Variants in ADH1C observed in about 807,000 individuals in gnomAD.
The protein encoded by ADH1C is alcohol dehydrogenase 1C.
In ADH1C, 26 loss-of-function variants were observed where a neutral mutation model predicts 35.0. The ratio of observed to expected loss-of-function variants is 0.74; its 90% CI spans 0.54 to 1.03. The LOEUF is 1.03. Among genes scored for constraint, ADH1C ranks in the 50% least tolerant of loss-of-function variants. ADH1C has a pLI of 0.00. For missense variants in ADH1C, 413 were observed against 465.4 expected (o/e 0.89, Z 1.04); for synonymous variants, 170 against 169.3 (o/e 1.00, Z -0.03).
In ADH1C at chr4:99,347,048, T is replaced by C; in HGVS notation, c.217A>G (p.Ile73Val). Residue 73 changes from isoleucine (I) to valine (V), a missense_variant, in exon 3 of 9, where the codon ATC becomes GTC. Physicochemically the swap from Ile to Val is conservative, Grantham distance 29. Coordinates refer to ENST00000515683, the MANE Select transcript of ADH1C (RefSeq NM_000669.5). ...ACCCCTTCTCCAACACTTTCCACGA[T>C]GCCGGCTGCCTCATGGCCTAAAATC... ...PVILGHEAAG[I>V]VESVGEGVTT... 4 of 1,614,056 alleles carry C rather than the reference T, an allele frequency of 2.5e-6. No individual in the cohort carries two copies. Among genetic ancestry groups the C allele is most frequent in the Non-Finnish European group, 3.4e-6 (4 of 1,179,964 alleles).
At chr4:99,350,162 A>C (rs2110664390) in intron 1 of ADH1C, among the ~76,000 whole-genome samples, 1 of 152,332 alleles carries the variant, frequency 6.6e-6, no homozygotes, top group South Asian at 2.1e-4. Flanking sequence ...ATACTTGGAA[A>C]TAAAGTTCTA....
chr4:99,350,120 T>G (rs992733158), intron 1 of ADH1C, among the ~76,000 whole-genome samples: 1 of 152,240 alleles, frequency 6.6e-6, no homozygotes, highest in African/African-American at 2.4e-5. Flanking sequence ...TGCAGGATTT[T>G]CAATGTGGTC....
At chr4:99,347,901 A>T in intron 1 of ADH1C, 55 bp from the exon 2 acceptor site, 1 of 1,597,896 alleles carries the variant, frequency 6.3e-7, no homozygotes, top group South Asian at 1.1e-5. Flanking sequence ...TGCAGTCAGA[A>T]ATTGTGTCTT....
chr4:99,352,529 T>C, intron 1 of ADH1C, 129 bp downstream of exon 1: 1 of 658,372 alleles, frequency 1.5e-6, no homozygotes, highest in Non-Finnish European at 2.4e-6. Context: ...TAGATATGAA[T>C]TTTAAATTAT....
intron 6 of ADH1C, 61 bp downstream of exon 6, chr4:99,342,734 T>A (rs1421370911): frequency 3.1e-6 from 5 of 1,607,334 alleles, no homozygotes; most frequent in Non-Finnish European, 4.3e-6. Flanking sequence ...TATATTCTAC[T>A]GCCTAAATGC....
intron 8 of ADH1C, among the ~76,000 whole-genome samples, chr4:99,339,261 C>CT (rs1734356633): frequency 6.6e-6 from 1 of 151,974 alleles, no homozygotes; most frequent in African/African-American, 2.4e-5. Flanking sequence ...GTTGCTTAAA[C>CT]TTTTTTTGGA....
At chr4:99,338,788 A>T (rs755544552) in intron 8 of ADH1C, among the ~76,000 whole-genome samples, 7 of 150,898 alleles carry the variant, frequency 4.6e-5, no homozygotes, top group Non-Finnish European at 1.0e-4. Flanking sequence ...TGAAAACCTC[A>T]TGAAAATAAG....
intron 5 of ADH1C, among the ~76,000 whole-genome samples, chr4:99,344,118 T>G (rs1734473535): frequency 6.6e-6 from 1 of 152,342 alleles, no homozygotes; most frequent in East Asian, 1.9e-4. Context: ...TTAGTCTTAG[T>G]GCTCATATTA....
chr4:99,339,296 T>C (rs1229448850), intron 8 of ADH1C, among the ~76,000 whole-genome samples: 3 of 152,152 alleles, frequency 2.0e-5, no homozygotes, highest in Non-Finnish European at 4.4e-5. Context: ...AAAGTGAGTG[T>C]TCTCTTTTAA....
Position 99,345,221 on chromosome 4 carries a change from C to T in ADH1C, c.305G>A (p.Arg102Lys). ...GTTGCTTTCTGGGTTTTTACAAATT[C>T]TGCATTTTCCACACTGAGGAGTAAA... ...PLFTPQCGKC[R>K]ICKNPESNYC... Residue 102 changes from arginine to lysine, a missense_variant, in exon 4 of 9, where the codon AGA (arginine) becomes AAA (lysine). Coordinates refer to ENST00000515683, the MANE Select transcript of ADH1C (RefSeq NM_000669.5). 6.2e-7 allele frequency: 1 copy of T among 1,614,062 alleles called. No individual in the cohort carries two copies. The highest frequency in any genetic ancestry group is 8.5e-7 in the Non-Finnish European group (1 of 1,179,946).
Position 99,336,654 on chromosome 4 carries a change from C to A in ADH1C, c.*98G>T, listed in dbSNP as rs939565863. The A allele has an allele frequency of 6.2e-6, 9 of 1,445,428 alleles. No homozygotes were observed. In the African/African-American group the frequency reaches 1.3e-4, roughly 20 times the overall value. 89.5% of individuals were successfully genotyped at this position (1,445,428 alleles called of 1,614,324 possible). On this transcript the variant is annotated 3_prime_UTR_variant, in exon 9 of 9. Coordinates refer to ENST00000515683, the MANE Select transcript of ADH1C (RefSeq NM_000669.5). ...CACGTGTAATTTATTTTTAACATCT[C>A]TGAAGAGCAGAATTAATGATATTTC...
intron 1 of ADH1C, chr4:99,351,076 T>G (rs979700016): frequency 9.9e-5 from 15 of 152,190 alleles, no homozygotes; most frequent in Non-Finnish European, 1.9e-4. Context: ...AGGCAGAGGT[T>G]GCAGTGAGCC....
chr4:99,341,020 C>T (rs1162901241), intron 6 of ADH1C, among the ~76,000 whole-genome samples: 1 of 152,182 alleles, frequency 6.6e-6, no homozygotes, highest in Non-Finnish European at 1.5e-5. Context: ...TACAAGTGTA[C>T]ATCATTCTTA....
chr4:99,338,449 A>C (rs1352198535), intron 8 of ADH1C, among the ~76,000 whole-genome samples: 1 of 100,630 alleles, frequency 9.9e-6, no homozygotes, highest in Non-Finnish European at 2.1e-5. Context: ...ATATATACAC[A>C]CTCTTGAGGG....
At position 99,347,035 on chromosome 4, in the gene ADH1C, A is replaced by G. The variant is rs750038735; in HGVS notation, c.230T>C (p.Val77Ala). Residue 77 changes from valine to alanine, a missense_variant, in exon 3 of 9, where the codon GTT (valine) becomes GCT (alanine). By Grantham distance (64) the Val-to-Ala change is moderately conservative. Coordinates refer to ENST00000515683, the MANE Select transcript of ADH1C (RefSeq NM_000669.5). The part of the protein sequence containing the change: ...GHEAAGIVES[V>A]GEGVTTVKPG... ...TTTGACTGTAGTCACCCCTTCTCCA[A>G]CACTTTCCACGATGCCGGCTGCCTC... 2 of 1,613,912 alleles carry G rather than the reference A, an allele frequency of 1.2e-6. No homozygotes were observed. Among genetic ancestry groups the G allele is most frequent in the African/African-American group, 2.7e-5 (2 of 74,876 alleles).
intron 1 of ADH1C, chr4:99,351,155 A>G (rs1193156564): frequency 6.6e-6 from 1 of 152,208 alleles, no homozygotes; most frequent in Non-Finnish European, 1.5e-5. Context: ...AAACGAATGA[A>G]AAAATTAATG....
intron 8 of ADH1C, 81 bp downstream of exon 8, chr4:99,339,496 T>C (rs1369894900): frequency 3.1e-6 from 4 of 1,307,784 alleles, no homozygotes; most frequent in South Asian, 1.6e-5. Flanking sequence ...CACCTTTTCA[T>C]TCTCTGCTAG....
intron 5 of ADH1C, among the ~76,000 whole-genome samples, chr4:99,343,841 G>T (rs942814722): frequency 6.6e-6 from 1 of 152,198 alleles, no homozygotes; most frequent in Non-Finnish European, 1.5e-5. Context: ...AAATTGGCTA[G>T]CGGTTATTTA....
intron 7 of ADH1C, 118 bp from the exon 8 acceptor site, chr4:99,339,833 T>C: frequency 1.0e-6 from 1 of 987,982 alleles, no homozygotes; most frequent in Non-Finnish European, 1.5e-6. Context: ...CTGCTATAAC[T>C]GAGGATAATA....
Sources: allele counts gnomAD v4.1 joint callset (sites outside exome capture counted in the v4.1 genomes callset), GRCh38; gene constraint gnomAD v4.1.1; transcripts MANE v1.5; gene names NCBI Gene and HGNC (gene_info 2026-07-23, HGNC 2026-07-21).